Variants in SORCS3 observed in about 807,000 individuals in gnomAD.
SORCS3 encodes the protein VPS10 domain-containing receptor SorCS3.
Under a neutral mutation model 146.3 loss-of-function variants are expected in SORCS3, and 57 were observed. That is an observed-to-expected ratio of 0.39 (90% CI 0.31 to 0.49). SORCS3 has a LOEUF of 0.49. SORCS3 is among the 20% of genes least tolerant of loss of function. SORCS3 has a pLI of 0.92. For missense variants in SORCS3, 1,341 were observed against 1,575.5 expected, an observed-to-expected ratio of 0.85 and a Z score of 2.52; for synonymous variants, 653 against 618.5, an observed-to-expected ratio of 1.06 and a Z score of -0.83.
At chr10:105,027,033 C>T (rs1015182712) in intron 4 of SORCS3, among the ~76,000 whole-genome samples, 28 of 152,274 alleles carry the variant, frequency 1.8e-4, no homozygotes, top group African/African-American at 6.3e-4. Context: ...TAAAACCTGC[C>T]TTTGACGTGA....
intron 4 of SORCS3, among the ~76,000 whole-genome samples, chr10:105,021,189 G>A (rs1402927734): frequency 1.3e-5 from 2 of 152,154 alleles, no homozygotes; most frequent in African/African-American, 4.8e-5. Context: ...TTGTCTCATG[G>A]TTCTAGCTGC....
chr10:104,890,274 TCTC>T (rs1401794435), intron 2 of SORCS3, among the ~76,000 whole-genome samples: 38 of 152,198 alleles, frequency 2.5e-4, no homozygotes, highest in Non-Finnish European at 2.5e-4. Context: ...CACACCTCCT[TCTC>T]CTTTTAGAGA....
intron 1 of SORCS3, among the ~76,000 whole-genome samples, chr10:104,739,047 A>G (rs570226166): frequency 6.6e-6 from 1 of 152,278 alleles, no homozygotes; most frequent in Non-Finnish European, 1.5e-5. Flanking sequence ...ATTAGAAAAC[A>G]CAAGGAAGCC....
intron 13 of SORCS3, 82 bp downstream of exon 13, chr10:105,167,431 T>C (rs1589667525): frequency 1.0e-6 from 1 of 998,658 alleles, no homozygotes. Flanking sequence ...TTCTGCATGG[T>C]TTTGTACCCA....
At chr10:105,111,926 T>C (rs2055861640) in intron 7 of SORCS3, among the ~76,000 whole-genome samples, 1 of 152,180 alleles carries the variant, frequency 6.6e-6, no homozygotes, top group East Asian at 1.9e-4. Flanking sequence ...GTGAACACAA[T>C]GTACCAGGAC....
chr10:105,209,029 G>A (rs1344728212), intron 16 of SORCS3, among the ~76,000 whole-genome samples: 2 of 152,108 alleles, frequency 1.3e-5, no homozygotes, highest in East Asian at 1.9e-4. Flanking sequence ...AACTCCACAG[G>A]AATCTGTTGG....
At chr10:104,769,580 C>A (rs2017223271) in intron 1 of SORCS3, among the ~76,000 whole-genome samples, 3 of 152,086 alleles carry the variant, frequency 2.0e-5, no homozygotes, top group Admixed American at 2.0e-4. Context: ...GCATCCTGTT[C>A]TGGTACCTAA....
At chr10:105,164,677 A>G (rs1010507432) in intron 12 of SORCS3, among the ~76,000 whole-genome samples, 1 of 152,148 alleles carries the variant, frequency 6.6e-6, no homozygotes, top group African/African-American at 2.4e-5. Context: ...TGGGGATACA[A>G]CTGATGAAAC....
chr10:104,988,431 G>A (rs1296540684), intron 4 of SORCS3, among the ~76,000 whole-genome samples: 1 of 152,168 alleles, frequency 6.6e-6, no homozygotes, highest in Non-Finnish European at 1.5e-5. Flanking sequence ...GAAGCCATCA[G>A]ACTGCTTGCT....
At chr10:104,642,022 G>GGGGGGGGGGTCC in intron 1 of SORCS3, 68 bp downstream of exon 1, 1 of 173,336 alleles carries the variant, frequency 5.8e-6, no homozygotes, top group Non-Finnish European at 1.1e-5. Flanking sequence ...GGGTGGGTGG[G>GGGGGGGGGGTCC]AGCGAGGGAC....
At chr10:104,681,293 A>G (rs931950913) in intron 1 of SORCS3, among the ~76,000 whole-genome samples, 1 of 150,438 alleles carries the variant, frequency 6.6e-6, no homozygotes, top group African/African-American at 2.5e-5. Flanking sequence ...GCTTCCTGGC[A>G]CCCTGGAGTC....
rs2018353467 is a variant in SORCS3, at chr10:104,857,936, CA to C, written c.695+15080del. Among the ~76,000 whole-genome samples, 5 of 152,162 alleles carry C rather than the reference CA, an allele frequency of 3.3e-5. No individual in the cohort carries two copies. In the South Asian group the frequency reaches 1.0e-3, roughly 32 times the overall value. The stretch of plus-strand genomic sequence containing the variant: ...TCGGTAGGGGAGGACTGTAACAATG[CA>C]AACGGAAGAATTTGGAACTGGACCT... On this transcript the variant is annotated intron_variant, in intron 2 of 26. Coordinates refer to ENST00000369701, the MANE Select transcript of SORCS3 (RefSeq NM_014978.3).
chr10:104,970,334 A>G (rs1393537601), intron 3 of SORCS3, among the ~76,000 whole-genome samples: 1 of 152,038 alleles, frequency 6.6e-6, no homozygotes, highest in Non-Finnish European at 1.5e-5. Context: ...TTTGGTAGAG[A>G]TGGGGTTTCA....
At chr10:105,017,761 G>T (rs904325586) in intron 4 of SORCS3, among the ~76,000 whole-genome samples, 8 of 152,088 alleles carry the variant, frequency 5.3e-5, no homozygotes, top group Non-Finnish European at 1.0e-4. Context: ...TTTATGTTGG[G>T]TCTAAACATG....
intron 3 of SORCS3, among the ~76,000 whole-genome samples, chr10:104,961,582 C>A (rs906039440): frequency 6.6e-6 from 1 of 152,020 alleles, no homozygotes; most frequent in Non-Finnish European, 1.5e-5. Flanking sequence ...ATAATGTGGC[C>A]ACCAATTTGT....
intron 20 of SORCS3, 21 bp downstream of exon 20, chr10:105,223,270 T>C (rs191572726): frequency 0.012 from 19,832 of 1,598,666 alleles, 153 homozygotes; most frequent in Non-Finnish European, 0.014. Flanking sequence ...TTCTGATTGA[T>C]GTCAAATTAG....
At chr10:105,134,837 T>C (rs999740336) in intron 7 of SORCS3, among the ~76,000 whole-genome samples, 1 of 152,138 alleles carries the variant, frequency 6.6e-6, no homozygotes, top group African/African-American at 2.4e-5. Context: ...TGTTCCAGCA[T>C]CAACTTTAAA....
At chr10:105,152,215 C>G (rs1161180627) in intron 9 of SORCS3, among the ~76,000 whole-genome samples, 1 of 152,166 alleles carries the variant, frequency 6.6e-6, no homozygotes, top group Admixed American at 6.5e-5. Context: ...ACAATAATAA[C>G]CACAGCATAC....
At chr10:104,807,262 A>C (rs1190863632) in intron 1 of SORCS3, among the ~76,000 whole-genome samples, 2 of 152,122 alleles carry the variant, frequency 1.3e-5, no homozygotes, top group East Asian at 3.8e-4. Context: ...GTACAAAAAC[A>C]TACCACTTTT....
Sources: allele counts gnomAD v4.1 joint callset (sites outside exome capture counted in the v4.1 genomes callset), GRCh38; gene constraint gnomAD v4.1.1; transcripts MANE v1.5; gene names NCBI Gene and HGNC (gene_info 2026-07-23, HGNC 2026-07-21).